The following PCDH15 variants were observed in gnomAD, a reference collection of about 807,000 sequenced individuals.
The protein encoded by PCDH15 is protocadherin related 15.
In PCDH15, 129 loss-of-function variants were observed where a neutral mutation model predicts 178.5. The observed-to-expected ratio is 0.72, with a 90% CI of 0.63 to 0.84. The LOEUF (loss-of-function observed/expected upper bound fraction) is 0.84. Among genes scored for constraint, PCDH15 ranks in the 40% least tolerant of loss-of-function variants. The pLI is 0.00. For missense variants in PCDH15, 2,230 were observed against 2,099.9 expected, an observed-to-expected ratio of 1.06 and a Z score of -1.21; for synonymous variants, 800 against 732.0, an observed-to-expected ratio of 1.09 and a Z score of -1.50.
At chr10:54,737,696 G>A (rs1315334171) in intron 1 of PCDH15, among the ~76,000 whole-genome samples, 1 of 116,532 alleles carries the variant, frequency 8.6e-6, no homozygotes, top group Non-Finnish European at 1.8e-5. Flanking sequence ...GTCAAACTTT[G>A]AAACTGATGT....
intron 2 of PCDH15, among the ~76,000 whole-genome samples, chr10:55,583,195 C>T (rs961024931): frequency 2.6e-5 from 4 of 152,102 alleles, no homozygotes; most frequent in African/African-American, 4.8e-5. Context: ...ACATTAATCA[C>T]GGTGCAAACT....
At chr10:54,170,515 G>A (rs1299124998) in intron 13 of PCDH15, among the ~76,000 whole-genome samples, 2 of 151,394 alleles carry the variant, frequency 1.3e-5, no homozygotes, top group African/African-American at 4.9e-5. Context: ...CCTCATACCT[G>A]ATGCATATAC....
chr10:54,366,684 T>G (rs1282218572), intron 5 of PCDH15, among the ~76,000 whole-genome samples: 1 of 31,908 alleles, frequency 3.1e-5, no homozygotes, highest in Admixed American at 2.4e-4. Flanking sequence ...TCTATTTTTT[T>G]TTTGATGCTA....
chr10:54,208,178 G>T (rs1206476363), intron 10 of PCDH15, among the ~76,000 whole-genome samples: 1 of 152,062 alleles, frequency 6.6e-6, no homozygotes, highest in Non-Finnish European at 1.5e-5. Flanking sequence ...TTCATGGAAA[G>T]ATTGCTATTT....
intron 2 of PCDH15, among the ~76,000 whole-genome samples, chr10:54,561,987 T>TTTTTTTTTTG (rs2088242574): frequency 1.3e-5 from 1 of 76,678 alleles, no homozygotes; most frequent in African/African-American, 3.7e-5. Flanking sequence ...CAGCTTTTTT[T>TTTTTTTTTTG]TTTTTTTTTT....
At chr10:54,679,184 C>T (rs1298927389) in intron 1 of PCDH15, among the ~76,000 whole-genome samples, 1 of 116,296 alleles carries the variant, frequency 8.6e-6, no homozygotes, top group South Asian at 2.9e-4. Flanking sequence ...AGCGAGACTC[C>T]GTCTCAAAAA....
At chr10:54,557,106 G>C (rs2087385998) in intron 2 of PCDH15, among the ~76,000 whole-genome samples, 1 of 151,914 alleles carries the variant, frequency 6.6e-6, no homozygotes, top group Non-Finnish European at 1.5e-5. Context: ...CTTGTCTAAG[G>C]GCAACAGCCA....
In PCDH15 at chr10:53,823,202, C is replaced by T. The variant is rs200141161; in HGVS notation, c.4368-2972G>A. ...ATAGAAATGTGAATTTTCTTGCAGA[C>T]TTCAGTTTGTTGCTCTTAAGTGATC... On this transcript the variant is annotated intron_variant, in intron 32 of 37. Coordinates refer to ENST00000644397, the MANE Select transcript of PCDH15 (RefSeq NM_001384140.1). 3.1e-6 allele frequency: 5 copies of T among 1,614,010 alleles called. No homozygotes were observed. Among genetic ancestry groups the T allele is most frequent in the East Asian group, 2.2e-5 (1 of 44,864 alleles).
rs1324053730 is a variant in PCDH15, at chr10:54,516,817, T to C, written c.157+10995A>G. 2.6e-5 allele frequency among the ~76,000 whole-genome samples: 4 copies of C among 152,080 alleles called. No homozygotes were observed. The South Asian group carries it at 6.2e-4, about 24-fold the overall frequency. On this transcript the variant is annotated intron_variant, in intron 3 of 37. Transcript: ENST00000644397. ...GTTAAGGGCAGCCAGAGAGAAAGAT[T>C]GGGTTACCCACAAAGGGAAGCTCAT...
chr10:55,155,488 C>CAAAAAAAAA (rs33986131), intron 2 of PCDH15, among the ~76,000 whole-genome samples: 1 of 116,030 alleles, frequency 8.6e-6, no homozygotes, highest in African/African-American at 3.4e-5. Context: ...GCAACCAATG[C>CAAAAAAAAA]AAAAAAAAAA....
At chr10:54,154,362 A>C (rs2044868806) in intron 13 of PCDH15, among the ~76,000 whole-genome samples, 1 of 152,146 alleles carries the variant, frequency 6.6e-6, no homozygotes, top group Admixed American at 6.6e-5. Flanking sequence ...AAACACATGT[A>C]ATTGTAGTAA....
chr10:54,763,952 T>C (rs1482954931), intron 1 of PCDH15, among the ~76,000 whole-genome samples: 2 of 151,394 alleles, frequency 1.3e-5, no homozygotes, highest in Non-Finnish European at 2.9e-5. Flanking sequence ...AACATGCAAA[T>C]ATAACGTATT....
intron 18 of PCDH15, among the ~76,000 whole-genome samples, chr10:54,034,209 A>T (rs2093364872): frequency 6.6e-6 from 1 of 151,946 alleles, no homozygotes; most frequent in Admixed American, 6.6e-5. Flanking sequence ...ATATCTCTTA[A>T]TTTCCCAATA....
At chr10:54,778,097 C>T (rs1470357710) in intron 1 of PCDH15, among the ~76,000 whole-genome samples, 2 of 152,158 alleles carry the variant, frequency 1.3e-5, no homozygotes, top group Non-Finnish European at 2.9e-5. Context: ...TTGCCATATG[C>T]AAGATGCAAG....
chr10:54,504,960 T>A (rs927386453), intron 3 of PCDH15, among the ~76,000 whole-genome samples: 5 of 152,116 alleles, frequency 3.3e-5, no homozygotes, highest in Non-Finnish European at 7.4e-5. Context: ...GCAGACTTTT[T>A]CAAATAGGGG....
chr10:55,081,215 T>C (rs187774977), intron 2 of PCDH15, among the ~76,000 whole-genome samples: 2 of 152,302 alleles, frequency 1.3e-5, no homozygotes, highest in East Asian at 1.9e-4. Context: ...GTTTCCTATG[T>C]TGAGCTTCAG....
chr10:53,862,787 G>A (rs1351987312), intron 27 of PCDH15, among the ~76,000 whole-genome samples: 1 of 152,074 alleles, frequency 6.6e-6, no homozygotes, highest in Non-Finnish European at 1.5e-5. Context: ...TTTCCTTGAG[G>A]CAACCATCTT....
At chr10:54,699,731 T>C (rs1294737594) in intron 1 of PCDH15, among the ~76,000 whole-genome samples, 3 of 152,064 alleles carry the variant, frequency 2.0e-5, no homozygotes, top group Non-Finnish European at 2.9e-5. Context: ...TTCATATATA[T>C]TATTTCCATT....
chr10:54,335,951 T>C (rs2133987719), intron 6 of PCDH15, among the ~76,000 whole-genome samples: 1 of 152,278 alleles, frequency 6.6e-6, no homozygotes, highest in East Asian at 1.9e-4. Flanking sequence ...ACCAAAATGC[T>C]GATAATGATA....
Sources: gnomAD v4.1 joint callset for allele counts (sites outside exome capture counted in the v4.1 genomes callset) on GRCh38, gnomAD v4.1.1 for gene constraint, MANE v1.5 for transcripts, NCBI Gene and HGNC (gene_info 2026-07-23, HGNC 2026-07-21) for gene names.